Variants in PTPRT observed in about 807,000 individuals in gnomAD.
PTPRT encodes the protein receptor-type tyrosine-protein phosphatase T.
A neutral mutation model predicts 176.8 loss-of-function variants in PTPRT; 56 were observed. That is an observed-to-expected ratio of 0.32 (90% confidence interval 0.26 to 0.40). The LOEUF is 0.40. Among genes scored for constraint, PTPRT ranks in the 10% least tolerant of loss-of-function variants. PTPRT has a pLI of 1.00. For missense variants in PTPRT, 1,540 were observed against 1,908.2 expected (o/e 0.81, Z 3.60); for synonymous variants, 783 against 739.0 (o/e 1.06, Z -0.96).
chr20:42,710,122 A>G (rs954291650), intron 6 of PTPRT, among the ~76,000 whole-genome samples: 8 of 152,348 alleles, frequency 5.3e-5, no homozygotes, highest in Non-Finnish European at 1.0e-4. Flanking sequence ...AGCAGAAAGT[A>G]TAACATTGGA....
rs146138941 is a variant in PTPRT, at chr20:42,365,567, C to T, written c.1561-13282G>A. Among the ~76,000 whole-genome samples, 260 of 151,662 alleles carry T rather than the reference C, an allele frequency of 1.7e-3. 2 individuals carry two copies. Among genetic ancestry groups the T allele is most frequent in the African/African-American group, 6.1e-3 (250 of 41,306 alleles). On this transcript the variant is annotated intron_variant, in intron 9 of 30. Coordinates refer to ENST00000373187, the MANE Select transcript of PTPRT (RefSeq NM_007050.6). ...ATGCATGATCTAGAGCAGGGGTGTC[C>T]GGTCTTTTGGATTCCCCGGGCCACA...
chr20:42,929,514 GCTT>G (rs1175241119), intron 1 of PTPRT, among the ~76,000 whole-genome samples: 2 of 152,156 alleles, frequency 1.3e-5, no homozygotes, highest in African/African-American at 4.8e-5. Flanking sequence ...TTTTCTGTGT[GCTT>G]CTTCCTATTT....
At chr20:43,142,513 T>C (rs983915280) in intron 1 of PTPRT, among the ~76,000 whole-genome samples, 1 of 152,218 alleles carries the variant, frequency 6.6e-6, no homozygotes, top group Non-Finnish European at 1.5e-5. Context: ...AAGAAAGGCA[T>C]GTGAATCTAT....
In PTPRT at chr20:42,077,560, T is replaced by G. The variant is rs562773937; in HGVS notation, c.*3319A>C. On this transcript the variant is annotated 3_prime_UTR_variant, in exon 31 of 31. Transcript: ENST00000373187. ...GGGTGGTGGTGTTGGCTCCGGAGAT[T>G]TCCTGGGTAAAGGAAAATGTTCAAA... 9.2e-6 allele frequency: 2 copies of G among 217,956 alleles called. No homozygotes were observed. The highest frequency in any genetic ancestry group is 1.2e-4 in the Admixed American group (2 of 17,220). 13.5% of individuals were successfully genotyped at this position (217,956 alleles called of 1,614,324 possible).
intron 7 of PTPRT, among the ~76,000 whole-genome samples, chr20:42,653,983 A>T (rs1451295494): frequency 1.3e-5 from 2 of 152,212 alleles, no homozygotes; most frequent in Non-Finnish European, 2.9e-5. Flanking sequence ...AAACATTTCC[A>T]TAAGTCCTGA....
At chr20:42,651,991 T>G (rs796656201) in intron 7 of PTPRT, among the ~76,000 whole-genome samples, 110 of 151,502 alleles carry the variant, frequency 7.3e-4, no homozygotes, top group African/African-American at 2.6e-3. Flanking sequence ...GAGGTTGCAG[T>G]GAGCCGAGAT....
chr20:42,757,543 G>A (rs909067175), intron 5 of PTPRT, among the ~76,000 whole-genome samples: 6 of 152,178 alleles, frequency 3.9e-5, no homozygotes, highest in Admixed American at 1.3e-4. Flanking sequence ...AAAAAGCCAC[G>A]TTCAGCTCAC....
chr20:43,008,574 C>T (rs925778395), intron 1 of PTPRT, among the ~76,000 whole-genome samples: 5 of 151,900 alleles, frequency 3.3e-5, no homozygotes, highest in African/African-American at 7.3e-5. Flanking sequence ...GCCTGTAATA[C>T]CAGCTACTTG....
At chr20:42,082,988 T>A (rs1600462915) in intron 29 of PTPRT, among the ~76,000 whole-genome samples, 1 of 151,582 alleles carries the variant, frequency 6.6e-6, no homozygotes, top group African/African-American at 2.4e-5. Flanking sequence ...CATTTCAAGG[T>A]CTGTTATGGT....
intron 9 of PTPRT, among the ~76,000 whole-genome samples, chr20:42,417,341 C>G (rs559568735): frequency 4.6e-5 from 7 of 152,082 alleles, no homozygotes; most frequent in Non-Finnish European, 1.0e-4. Context: ...CCCAAGCAGC[C>G]TCCTGCCATT....
intron 15 of PTPRT, among the ~76,000 whole-genome samples, chr20:42,206,526 G>T (rs947998770): frequency 6.6e-6 from 1 of 152,196 alleles, no homozygotes; most frequent in African/African-American, 2.4e-5. Context: ...GTGACGGACG[G>T]CACCTGGAAA....
At chr20:42,482,773 C>T (rs2145337382) in intron 7 of PTPRT, among the ~76,000 whole-genome samples, 1 of 152,250 alleles carries the variant, frequency 6.6e-6, no homozygotes, top group South Asian at 2.1e-4. Flanking sequence ...TCTTCATTTA[C>T]CCTGAAGTTT....
intron 6 of PTPRT, among the ~76,000 whole-genome samples, chr20:42,754,220 C>T (rs2076799475): frequency 6.6e-6 from 1 of 152,126 alleles, no homozygotes; most frequent in Admixed American, 6.5e-5. Context: ...GAGTCTCGCT[C>T]AGCCGCCCAG....
intron 7 of PTPRT, among the ~76,000 whole-genome samples, chr20:42,520,117 T>C (rs1471179092): frequency 1.3e-5 from 2 of 152,180 alleles, no homozygotes; most frequent in East Asian, 3.8e-4. Context: ...AAAAATATTG[T>C]ATGAAACTTC....
chr20:42,185,609 A>T (rs934443668), intron 16 of PTPRT, among the ~76,000 whole-genome samples: 2 of 152,204 alleles, frequency 1.3e-5, no homozygotes, highest in Admixed American at 1.3e-4. Context: ...TGATTTCTTT[A>T]TCCACCTTTA....
chr20:43,093,453 C>T (rs1336293758), intron 1 of PTPRT, among the ~76,000 whole-genome samples: 2 of 152,160 alleles, frequency 1.3e-5, no homozygotes, highest in African/African-American at 4.8e-5. Flanking sequence ...GAATTGTTTC[C>T]CAAAAGGGAA....
chr20:43,089,178 T>A (rs898219210), intron 1 of PTPRT, among the ~76,000 whole-genome samples: 7 of 152,192 alleles, frequency 4.6e-5, no homozygotes, highest in African/African-American at 1.7e-4. Flanking sequence ...AACTAATAAA[T>A]GAGGAATTGA....
At chr20:42,325,223 A>G (rs2057864865) in intron 11 of PTPRT, among the ~76,000 whole-genome samples, 1 of 152,184 alleles carries the variant, frequency 6.6e-6, no homozygotes, top group Non-Finnish European at 1.5e-5. Context: ...TAGGAAGTGC[A>G]TTCTAGAAAG....
At chr20:42,678,778 T>C (rs2075552484) in intron 6 of PTPRT, among the ~76,000 whole-genome samples, 1 of 152,214 alleles carries the variant, frequency 6.6e-6, no homozygotes, top group Non-Finnish European at 1.5e-5. Context: ...GCAAAGCTGC[T>C]GGGTGAATAC....
Sources: allele counts gnomAD v4.1 joint callset (sites outside exome capture counted in the v4.1 genomes callset), GRCh38; gene constraint gnomAD v4.1.1; transcripts MANE v1.5; gene names NCBI Gene and HGNC (gene_info 2026-07-23, HGNC 2026-07-21).